Variants in TBC1D4 observed in about 807,000 individuals in gnomAD.
The protein encoded by TBC1D4 is TBC1 domain family member 4.
A neutral mutation model predicts 142.5 loss-of-function variants in TBC1D4; 121 were observed. The ratio of observed to expected loss-of-function variants is 0.85; its 90% CI spans 0.73 to 0.99. The LOEUF (loss-of-function observed/expected upper bound fraction) is 0.99, where lower values mean the gene tolerates loss of function less well. Ranked by LOEUF, TBC1D4 falls within the 50% of genes least tolerant of loss-of-function variation. The pLI is 0.00. For synonymous variants in TBC1D4, 630 were observed against 628.2 expected (o/e 1.00, Z -0.04); for missense variants, 1,475 against 1,606.6 (o/e 0.92, Z 1.40).
intron 1 of TBC1D4, among the ~76,000 whole-genome samples, chr13:75,379,931 A>T (rs1883729949): frequency 2.8e-5 from 3 of 108,404 alleles, no homozygotes; most frequent in Admixed American, 1.4e-4. Context: ...TTTGAGAAAG[A>T]GTCTTGCTCT....
Position 75,331,536 on chromosome 13 carries a change from C to T in TBC1D4, c.1732-3710G>A, listed in dbSNP as rs148360737. Among the ~76,000 whole-genome samples, 353 of 152,148 alleles carry T rather than the reference C, an allele frequency of 2.3e-3. 4 individuals are homozygous for T. Among genetic ancestry groups the T allele is most frequent in the African/African-American group, 7.8e-3 (323 of 41,524 alleles). On this transcript the variant is annotated intron_variant, in intron 8 of 20. Transcript: ENST00000377636. ...ATAAAATTTATATTAGTAAATATTTCTGTTTTGGAAAACAACTGAAAAAAT... is the reference window on the plus strand; with the variant it reads ...ATAAAATTTATATTAGTAAATATTTTTGTTTTGGAAAACAACTGAAAAAAT...
chr13:75,422,367 T>A (rs1480193919), intron 1 of TBC1D4, among the ~76,000 whole-genome samples: 3 of 152,108 alleles, frequency 2.0e-5, no homozygotes, highest in African/African-American at 7.2e-5. Flanking sequence ...AATGAGAAAC[T>A]ATAACACACA....
chr13:75,390,277 C>CAAAAAA lies in TBC1D4; in HGVS notation c.499-27676_499-27671dup, dbSNP rs36168056. On this transcript the variant is annotated intron_variant, in intron 1 of 20. Coordinates refer to ENST00000377636, the MANE Select transcript of TBC1D4 (RefSeq NM_014832.5). ...CCTAGGCGACAGAGAGAGACTCCGT[C>CAAAAAA]AAAAAAAAAAAAAAAAACAGGAGAA... is the stretch of plus-strand genomic sequence containing the variant. Among the ~76,000 whole-genome samples, 622 of 112,202 alleles carry CAAAAAA rather than the reference C, an allele frequency of 5.5e-3. 21 individuals are homozygous for CAAAAAA. The highest frequency in any genetic ancestry group is 0.018 in the African/African-American group (547 of 29,682). The allele number at this position is 112,202 out of a possible 152,430, so 73.6% of individuals were successfully genotyped here.
intron 1 of TBC1D4, among the ~76,000 whole-genome samples, chr13:75,402,171 G>A (rs1472143543): frequency 6.6e-6 from 1 of 152,036 alleles, no homozygotes; most frequent in Non-Finnish European, 1.5e-5. Flanking sequence ...GGAGAGTGGG[G>A]GGGTTAAATC....
chr13:75,415,352 T>A (rs560415500), intron 1 of TBC1D4, among the ~76,000 whole-genome samples: 17 of 152,220 alleles, frequency 1.1e-4, no homozygotes, highest in Non-Finnish European at 1.5e-5. Context: ...AGAGAATGGG[T>A]GACATGAGAA....
In TBC1D4 at chr13:75,437,599, CTT is replaced by C. The variant is rs200285653; in HGVS notation, c.498+43669_498+43670del. Among the ~76,000 whole-genome samples the C allele has an allele frequency of 5.5e-4, 81 of 147,702 alleles. 1 individual carries two copies. The highest frequency in any genetic ancestry group is 1.6e-3 in the African/African-American group (67 of 40,608). On this transcript the variant is annotated intron_variant, in intron 1 of 20. Transcript: ENST00000377636. ...CTTTAAGTGCTATTCTCATTATAAA[CTT>C]TTTTTTTTTTTAGAGAATGGAGCTA...
At chr13:75,426,620 C>T (rs1354587683) in intron 1 of TBC1D4, among the ~76,000 whole-genome samples, 1 of 152,204 alleles carries the variant, frequency 6.6e-6, no homozygotes, top group Non-Finnish European at 1.5e-5. Flanking sequence ...GGAGCAAATA[C>T]CTACACAGGT....
chr13:75,396,911 GCTTA>G (rs1238976698), intron 1 of TBC1D4, among the ~76,000 whole-genome samples: 4 of 152,080 alleles, frequency 2.6e-5, no homozygotes, highest in African/African-American at 4.8e-5. Context: ...ATTTTAGAGA[GCTTA>G]CTTAAAGATA....
chr13:75,410,967 T>C (rs1034971241), intron 1 of TBC1D4, among the ~76,000 whole-genome samples: 1 of 98,300 alleles, frequency 1.0e-5, no homozygotes, highest in Non-Finnish European at 2.0e-5. Flanking sequence ...AAAAAAAAAA[T>C]TCTAAGTGCA....
Position 75,410,250 on chromosome 13 carries a change from G to C in TBC1D4, c.499-47643C>G, listed in dbSNP as rs547945221. Among the ~76,000 whole-genome samples the C allele has an allele frequency of 3.9e-5, 6 of 152,152 alleles. No homozygotes were observed. In the East Asian group the frequency reaches 1.2e-3, roughly 29 times the overall value. On this transcript the variant is annotated intron_variant, in intron 1 of 20. Transcript: ENST00000377636. ...AGCCATCCCCCTTTTCATTCCAAAG[G>C]TTCCTATGCTGTCAGTCTACCGTCT...
intron 9 of TBC1D4, 69 bp from the exon 10 acceptor site, chr13:75,326,492 G>A (rs1879278481): frequency 6.6e-7 from 1 of 1,509,830 alleles, no homozygotes; most frequent in Non-Finnish European, 9.2e-7. Flanking sequence ...AAAACACAGA[G>A]CTCAAAAGTG....
rs559953794 is a variant in TBC1D4 at position 75,405,357 on chromosome 13, C to G, written c.499-42750G>C. On this transcript the variant is annotated intron_variant, in intron 1 of 20. Coordinates refer to ENST00000377636, the MANE Select transcript of TBC1D4 (RefSeq NM_014832.5). ...CAATCTCGGCTCACTGCAACCTCCG[C>G]CTCCCGGGTTCAAGCAATTCTCCTG... 5.6e-3 allele frequency among the ~76,000 whole-genome samples: 854 copies of G among 151,306 alleles called. 8 individuals are homozygous for G. The highest frequency in any genetic ancestry group is 7.7e-3 in the Non-Finnish European group (524 of 67,832).
chr13:75,453,930 G>T (rs1443373319), intron 1 of TBC1D4, among the ~76,000 whole-genome samples: 3 of 151,804 alleles, frequency 2.0e-5, no homozygotes, highest in Non-Finnish European at 2.9e-5. Flanking sequence ...CTGTTACCTG[G>T]CATTGCCAAT....
At chr13:75,396,867 TG>T (rs1359161448) in intron 1 of TBC1D4, among the ~76,000 whole-genome samples, 12 of 152,038 alleles carry the variant, frequency 7.9e-5, no homozygotes, top group African/African-American at 2.9e-4. Context: ...CATTTTCAGA[TG>T]AGAAAAAATT....
intron 1 of TBC1D4, among the ~76,000 whole-genome samples, chr13:75,390,869 AGGGGAGGG>A (rs1884441042): frequency 2.1e-4 from 1 of 4,856 alleles, no homozygotes; most frequent in Non-Finnish European, 4.0e-4. Context: ...AGGGGAGGGG[AGGGGAGGG>A]GAGGGGAGGG....
intron 7 of TBC1D4, 121 bp downstream of exon 7, chr13:75,341,004 G>T (rs190351528): frequency 3.6e-6 from 3 of 825,446 alleles, no homozygotes; most frequent in Non-Finnish European, 6.3e-6. Flanking sequence ...GGGGAGTGAG[G>T]GGGTAGTTCA....
intron 15 of TBC1D4, among the ~76,000 whole-genome samples, chr13:75,305,779 C>G (rs1340289355): frequency 6.6e-6 from 1 of 151,948 alleles, no homozygotes; most frequent in African/African-American, 2.4e-5. Flanking sequence ...ATTTAAAATT[C>G]TTAAATATCA....
chr13:75,361,914 T>C (rs1882553664), intron 2 of TBC1D4, 112 bp downstream of exon 2: 1 of 1,315,576 alleles, frequency 7.6e-7, no homozygotes, highest in South Asian at 1.3e-5. Flanking sequence ...GGAAAACAAA[T>C]AAAAGTTAGA....
intron 8 of TBC1D4, among the ~76,000 whole-genome samples, chr13:75,336,463 T>C (rs754802505): frequency 1.3e-5 from 2 of 152,070 alleles, no homozygotes; most frequent in Admixed American, 6.5e-5. Context: ...ATGCCAGCAC[T>C]TTGGGAGGCC....
Sources: allele counts gnomAD v4.1 joint callset (sites outside exome capture counted in the v4.1 genomes callset), GRCh38; gene constraint gnomAD v4.1.1; transcripts MANE v1.5; gene names NCBI Gene and HGNC (gene_info 2026-07-23, HGNC 2026-07-21).